CRISPLD2: variants seen among roughly 807,000 people sequenced by gnomAD.
The protein encoded by CRISPLD2 is cysteine-rich secretory protein LCCL domain-containing 2.
In CRISPLD2, 47 loss-of-function variants were observed where a neutral mutation model predicts 71.1. That is an observed-to-expected ratio of 0.66 (90% CI 0.52 to 0.84). The LOEUF is 0.84. Among genes scored for constraint, CRISPLD2 ranks in the 40% least tolerant of loss-of-function variants. The probability of loss-of-function intolerance (pLI) is 0.00; values close to 1 mark genes in which losing one functional copy is unlikely to be tolerated. For synonymous variants in CRISPLD2, 317 were observed against 250.1 expected, an observed-to-expected ratio of 1.27 and a Z score of -2.52; for missense variants, 830 against 651.1, an observed-to-expected ratio of 1.27 and a Z score of -2.99.
At chr16:84,876,608 C>T (rs2071520579) in intron 11 of CRISPLD2, among the ~76,000 whole-genome samples, 1 of 151,988 alleles carries the variant, frequency 6.6e-6, no homozygotes, top group African/African-American at 2.4e-5. Flanking sequence ...GCCTGGCCAA[C>T]ATGGTGAAAC....
chr16:84,888,569 C>T (rs890524597), intron 13 of CRISPLD2, among the ~76,000 whole-genome samples: 2 of 152,190 alleles, frequency 1.3e-5, no homozygotes, highest in Non-Finnish European at 2.9e-5. Context: ...ATAGTCCAGA[C>T]GCCACCCTGT....
At chr16:84,900,548 TCACACAGCGC>T (rs1343861248) in intron 14 of CRISPLD2, among the ~76,000 whole-genome samples, 2 of 150,410 alleles carry the variant, frequency 1.3e-5, no homozygotes, top group East Asian at 2.0e-4. Flanking sequence ...CTGGGAGGCA[TCACACAGCGC>T]TGGGAGGCAT....
chr16:84,902,013 G>C (rs1339216820), intron 14 of CRISPLD2, among the ~76,000 whole-genome samples: 1 of 151,210 alleles, frequency 6.6e-6, no homozygotes, highest in Non-Finnish European at 1.5e-5. Context: ...TTCCCATGCT[G>C]GTCTTGAACT....
At chr16:84,861,084 T>C (rs971761379) in intron 6 of CRISPLD2, among the ~76,000 whole-genome samples, 2 of 152,022 alleles carry the variant, frequency 1.3e-5, no homozygotes. Context: ...GAATCAGGAG[T>C]GTCAAATGCA....
At chr16:84,899,471 G>A (rs1268629112) in intron 14 of CRISPLD2, among the ~76,000 whole-genome samples, 1 of 152,200 alleles carries the variant, frequency 6.6e-6, no homozygotes, top group Admixed American at 6.5e-5. Context: ...CATACCTGGA[G>A]CTTAATAACT....
chr16:84,825,629 G>A (rs779859231), intron 1 of CRISPLD2, among the ~76,000 whole-genome samples: 35 of 152,108 alleles, frequency 2.3e-4, no homozygotes, highest in Middle Eastern at 6.8e-3. Context: ...GGTGGTGCAC[G>A]CCTGTAATCC....
At chr16:84,883,524 C>T (rs1421129721) in intron 13 of CRISPLD2, among the ~76,000 whole-genome samples, 1 of 152,194 alleles carries the variant, frequency 6.6e-6, no homozygotes, top group African/African-American at 2.4e-5. Context: ...TGCTTGGATA[C>T]GTTCTCACAC....
intron 14 of CRISPLD2, among the ~76,000 whole-genome samples, chr16:84,893,113 G>T (rs2968145): frequency 0.99 from 151,188 of 152,160 alleles, 75,114 homozygotes; most frequent in East Asian, 1. Context: ...CCCCAACAGG[G>T]TGATGGCCGG....
At chr16:84,892,923 C>A (rs908040125) in intron 14 of CRISPLD2, among the ~76,000 whole-genome samples, 1 of 148,614 alleles carries the variant, frequency 6.7e-6, no homozygotes, top group Non-Finnish European at 1.5e-5. Flanking sequence ...TTGCACTGAG[C>A]CGAGATTCCA....
At chr16:84,887,022 C>G (rs959669619) in intron 13 of CRISPLD2, among the ~76,000 whole-genome samples, 5 of 152,340 alleles carry the variant, frequency 3.3e-5, no homozygotes, top group African/African-American at 1.2e-4. Flanking sequence ...AATTTGACTT[C>G]TTTGGATGCC....
intron 1 of CRISPLD2, among the ~76,000 whole-genome samples, chr16:84,838,180 A>T (rs1916672349): frequency 6.6e-6 from 1 of 152,164 alleles, no homozygotes; most frequent in Admixed American, 6.5e-5. Flanking sequence ...TGAGTCCAGG[A>T]AGAACTGTTC....
intron 6 of CRISPLD2, among the ~76,000 whole-genome samples, chr16:84,866,418 T>C (rs1300265890): frequency 6.6e-6 from 1 of 152,102 alleles, no homozygotes; most frequent in Non-Finnish European, 1.5e-5. Context: ...GTATTTTTAG[T>C]AGAGACGGGG....
intron 14 of CRISPLD2, among the ~76,000 whole-genome samples, chr16:84,904,577 C>T (rs915052314): frequency 2.7e-5 from 4 of 147,496 alleles, no homozygotes; most frequent in Admixed American, 6.8e-5. Context: ...GAGCGAGACT[C>T]GGTCTCAAAA....
At chr16:84,834,879 A>G (rs1916577903) in intron 1 of CRISPLD2, among the ~76,000 whole-genome samples, 1 of 152,074 alleles carries the variant, frequency 6.6e-6, no homozygotes, top group Non-Finnish European at 1.5e-5. Flanking sequence ...GTTAGGGCCC[A>G]ACCTCATGGC....
chr16:84,883,181 C>T (rs931077092), intron 13 of CRISPLD2, among the ~76,000 whole-genome samples: 8 of 152,196 alleles, frequency 5.3e-5, no homozygotes, highest in Non-Finnish European at 7.3e-5. Flanking sequence ...AAGCCACCTC[C>T]GTGTGAGAGG....
chr16:84,880,636 C>G, intron 13 of CRISPLD2, 52 bp downstream of exon 13: 2 of 1,400,048 alleles, frequency 1.4e-6, no homozygotes, highest in Non-Finnish European at 2.0e-6. Flanking sequence ...TTAAAGACCT[C>G]AACATGCAAG....
chr16:84,887,451 G>A (rs1188811871), intron 13 of CRISPLD2, among the ~76,000 whole-genome samples: 3 of 152,212 alleles, frequency 2.0e-5, no homozygotes, highest in African/African-American at 7.2e-5. Flanking sequence ...TGTAGACAAC[G>A]GGTCCAGCTT....
At chr16:84,838,966 G>T in intron 2 of CRISPLD2, 1 of 681,710 alleles carries the variant, frequency 1.5e-6, no homozygotes, top group Non-Finnish European at 2.6e-6. Flanking sequence ...GTCATGCCCT[G>T]AAACCTTAGA....
At chr16:84,868,828 G>A (rs770609688) in intron 7 of CRISPLD2, 23 bp from the exon 8 acceptor site, 1 of 1,607,574 alleles carries the variant, frequency 6.2e-7, no homozygotes, top group South Asian at 1.1e-5. Flanking sequence ...GCCGTGACAT[G>A]TATTCCCGCA....
Sources: allele counts gnomAD v4.1 joint callset (sites outside exome capture counted in the v4.1 genomes callset), GRCh38; gene constraint gnomAD v4.1.1; transcripts MANE v1.5; gene names NCBI Gene and HGNC (gene_info 2026-07-23, HGNC 2026-07-21).